The following HS6ST3 variants were observed in gnomAD, a reference collection of about 807,000 sequenced individuals.
The protein encoded by HS6ST3 is heparan-sulfate 6-O-sulfotransferase 3.
A neutral mutation model predicts 36.7 loss-of-function variants in HS6ST3; 12 were observed. That is an observed-to-expected ratio of 0.33 (90% confidence interval 0.21 to 0.53). The LOEUF (loss-of-function observed/expected upper bound fraction) is 0.53, where lower values mean the gene tolerates loss of function less well. Ranked by LOEUF, HS6ST3 falls within the 20% of genes least tolerant of loss-of-function variation. The probability of loss-of-function intolerance (pLI) is 0.95; values close to 1 mark genes in which losing one functional copy is unlikely to be tolerated. For synonymous variants in HS6ST3, 240 were observed against 257.5 expected (o/e 0.93, Z 0.65); for missense variants, 584 against 640.9 (o/e 0.91, Z 0.96).
chr13:96,482,437 CA>C (rs1392804707), intron 1 of HS6ST3, among the ~76,000 whole-genome samples: 1 of 151,672 alleles, frequency 6.6e-6, no homozygotes, highest in Non-Finnish European at 1.5e-5. Flanking sequence ...TTTAGGTTCA[CA>C]GTTCTTGTTT....
intron 1 of HS6ST3, among the ~76,000 whole-genome samples, chr13:96,177,476 G>A (rs574580185): frequency 4.6e-5 from 7 of 152,236 alleles, no homozygotes; most frequent in East Asian, 1.9e-4. Flanking sequence ...TTGAGGGAAC[G>A]TGGATGAAGC....
chr13:96,462,174 A>G (rs181340494), intron 1 of HS6ST3, among the ~76,000 whole-genome samples: 29 of 152,156 alleles, frequency 1.9e-4, no homozygotes, highest in Non-Finnish European at 2.8e-4. Context: ...GGCTCAAGCA[A>G]TCCTCCCACC....
In HS6ST3 at chr13:96,201,877, G is replaced by A. The variant is rs945242096; in HGVS notation, c.707+110308G>A. On this transcript the variant is annotated intron_variant, in intron 1 of 1. Coordinates refer to ENST00000376705, the MANE Select transcript of HS6ST3 (RefSeq NM_153456.4). ...TGTAGAAAATACTTGTTTGTATCCT[G>A]TATGTGTGTGTATATATGAAATGGA... 5.3e-5 allele frequency among the ~76,000 whole-genome samples: 8 copies of A among 152,228 alleles called. No individual in the cohort carries two copies. In the East Asian group the frequency reaches 1.5e-3, roughly 29 times the overall value.
intron 1 of HS6ST3, among the ~76,000 whole-genome samples, chr13:96,258,284 G>A (rs1594734678): frequency 2.0e-5 from 3 of 152,168 alleles, no homozygotes; most frequent in African/African-American, 4.8e-5. Context: ...TATGATCTCC[G>A]AATCACTTCT....
intron 1 of HS6ST3, among the ~76,000 whole-genome samples, chr13:96,506,163 T>C (rs2056025404): frequency 6.6e-6 from 1 of 152,134 alleles, no homozygotes; most frequent in Admixed American, 6.6e-5. Flanking sequence ...AGATTTAGAA[T>C]TTGAAACCGC....
At chr13:96,600,329 TACAC>T (rs34142366) in intron 1 of HS6ST3, among the ~76,000 whole-genome samples, 205 of 145,918 alleles carry the variant, frequency 1.4e-3, no homozygotes, top group East Asian at 5.9e-3. Context: ...TGGAGTTAGG[TACAC>T]ACACACACAC....
intron 1 of HS6ST3, among the ~76,000 whole-genome samples, chr13:96,108,952 CCTATCTCTATCTCTATCTCTATCT>C (rs145081903): frequency 2.7e-5 from 4 of 147,930 alleles, no homozygotes; most frequent in African/African-American, 1.0e-4. Flanking sequence ...GACAACCACT[CCTATCTCTATCTCTATCTCTATCT>C]CTATCTCTAT....
At chr13:96,343,371 C>G (rs1337062636) in intron 1 of HS6ST3, among the ~76,000 whole-genome samples, 1 of 152,188 alleles carries the variant, frequency 6.6e-6, no homozygotes, top group Non-Finnish European at 1.5e-5. Context: ...CTAGAGCCTG[C>G]CCACGTTCCT....
chr13:96,604,560 A>G (rs950452215), intron 1 of HS6ST3, among the ~76,000 whole-genome samples: 11 of 152,192 alleles, frequency 7.2e-5, no homozygotes, highest in African/African-American at 2.4e-4. Flanking sequence ...AGAGATGTAA[A>G]TGGCATCAAT....
chr13:96,757,593 G>A (rs1445197701), intron 1 of HS6ST3, among the ~76,000 whole-genome samples: 2 of 152,080 alleles, frequency 1.3e-5, no homozygotes, highest in Admixed American at 1.3e-4. Flanking sequence ...CACCAAATAT[G>A]CTGGTAACGG....
At chr13:96,248,048 GACTT>G (rs2054592160) in intron 1 of HS6ST3, among the ~76,000 whole-genome samples, 1 of 152,198 alleles carries the variant, frequency 6.6e-6, no homozygotes, top group Non-Finnish European at 1.5e-5. Context: ...TTATAAATCA[GACTT>G]ACTTATAGTC....
intron 1 of HS6ST3, among the ~76,000 whole-genome samples, chr13:96,709,319 A>G (rs1875505356): frequency 1.3e-5 from 2 of 152,198 alleles, no homozygotes; most frequent in East Asian, 3.8e-4. Flanking sequence ...GCATTTCTTT[A>G]TAGCAGTGTC....
intron 1 of HS6ST3, among the ~76,000 whole-genome samples, chr13:96,233,741 T>G (rs2054519004): frequency 6.6e-6 from 1 of 152,070 alleles, no homozygotes; most frequent in Non-Finnish European, 1.5e-5. Context: ...AGAGGGAATG[T>G]GGAGAGGTTG....
chr13:96,215,479 T>C (rs2054420876), intron 1 of HS6ST3, among the ~76,000 whole-genome samples: 1 of 152,342 alleles, frequency 6.6e-6, no homozygotes, highest in Non-Finnish European at 1.5e-5. Context: ...AATTATTTCT[T>C]GGTGATATAA....
chr13:96,442,794 AG>A (rs1473928926), intron 1 of HS6ST3, among the ~76,000 whole-genome samples: 1 of 149,634 alleles, frequency 6.7e-6, no homozygotes, highest in Non-Finnish European at 1.5e-5. Flanking sequence ...AAAAAAAAAA[AG>A]TCTGAGAACA....
chr13:96,677,824 C>T (rs1366794590), intron 1 of HS6ST3, among the ~76,000 whole-genome samples: 1 of 151,984 alleles, frequency 6.6e-6, no homozygotes, highest in Non-Finnish European at 1.5e-5. Context: ...AAGATTTAAG[C>T]GAATATTGTA....
chr13:96,585,655 A>C (rs1327994268), intron 1 of HS6ST3, among the ~76,000 whole-genome samples: 2 of 152,046 alleles, frequency 1.3e-5, no homozygotes, highest in Non-Finnish European at 2.9e-5. Context: ...CCTGCTCTCT[A>C]GTTCTGTGAG....
chr13:96,454,797 A>T (rs2055746744), intron 1 of HS6ST3, among the ~76,000 whole-genome samples: 1 of 151,912 alleles, frequency 6.6e-6, no homozygotes, highest in South Asian at 2.1e-4. Context: ...TTTGAGTCTA[A>T]AAACTGATTA....
chr13:96,585,427 C>T (rs963210997), intron 1 of HS6ST3, among the ~76,000 whole-genome samples: 39 of 152,076 alleles, frequency 2.6e-4, no homozygotes, highest in African/African-American at 9.4e-4. Flanking sequence ...TGTAAAATGA[C>T]TAAGTAGCTA....
Sources: allele counts gnomAD v4.1 joint callset (sites outside exome capture counted in the v4.1 genomes callset), GRCh38; gene constraint gnomAD v4.1.1; transcripts MANE v1.5; gene names NCBI Gene and HGNC (gene_info 2026-07-23, HGNC 2026-07-21).